ANKS1B: variants seen among roughly 807,000 people sequenced by gnomAD.
The protein encoded by ANKS1B is ankyrin repeat and sterile alpha motif domain-containing protein 1B.
A neutral mutation model predicts 148.3 loss-of-function variants in ANKS1B; 36 were observed. That is an observed-to-expected ratio of 0.24 (90% CI 0.19 to 0.32). The LOEUF (loss-of-function observed/expected upper bound fraction) is 0.32. ANKS1B is among the 10% of genes least tolerant of loss of function. The pLI, the probability that ANKS1B is intolerant of heterozygous loss-of-function variation, is 1.00. For missense variants in ANKS1B, 1,157 were observed against 1,542.6 expected (o/e 0.75, Z 4.19); for synonymous variants, 542 against 560.8 (o/e 0.97, Z 0.47).
At chr12:99,031,703 G>A (rs1448370357) in intron 17 of ANKS1B, among the ~76,000 whole-genome samples, 1 of 152,118 alleles carries the variant, frequency 6.6e-6, no homozygotes, top group African/African-American at 2.4e-5. Flanking sequence ...AAAAGCATGA[G>A]GACAAAGTGC....
intron 17 of ANKS1B, among the ~76,000 whole-genome samples, chr12:98,948,100 G>A (rs1048625051): frequency 1.3e-5 from 2 of 151,810 alleles, no homozygotes; most frequent in Non-Finnish European, 2.9e-5. Flanking sequence ...GTTGTATAAC[G>A]CAGAACCTGC....
At chr12:99,699,968 C>T (rs2054552591) in intron 8 of ANKS1B, among the ~76,000 whole-genome samples, 1 of 152,114 alleles carries the variant, frequency 6.6e-6, no homozygotes, top group African/African-American at 2.4e-5. Context: ...GTTTTCCTTT[C>T]TCAGTCTATT....
intron 8 of ANKS1B, among the ~76,000 whole-genome samples, chr12:99,713,400 G>T (rs1044165560): frequency 6.6e-6 from 1 of 152,124 alleles, no homozygotes; most frequent in African/African-American, 2.4e-5. Flanking sequence ...TCAAGTCCTA[G>T]TTCCTTTTTG....
intron 17 of ANKS1B, among the ~76,000 whole-genome samples, chr12:98,851,804 T>C (rs1352273282): frequency 6.6e-6 from 1 of 151,864 alleles, no homozygotes; most frequent in African/African-American, 2.4e-5. Flanking sequence ...GGTGGGTGGA[T>C]CACGAGGTCA....
intron 17 of ANKS1B, among the ~76,000 whole-genome samples, chr12:98,946,920 A>ACAAAG: frequency 7.4e-6 from 1 of 135,410 alleles, no homozygotes; most frequent in East Asian, 2.3e-4. Context: ...AGCCTGGGTG[A>ACAAAG]CAAAGCAAGA....
chr12:99,854,034 G>A (rs983466372), intron 1 of ANKS1B, among the ~76,000 whole-genome samples: 6 of 152,090 alleles, frequency 3.9e-5, no homozygotes, highest in Admixed American at 6.5e-5. Context: ...GTTTTGAGAC[G>A]GAGTCTCGCT....
intron 8 of ANKS1B, among the ~76,000 whole-genome samples, chr12:99,735,229 C>T: frequency 6.6e-6 from 1 of 151,752 alleles, no homozygotes; most frequent in East Asian, 1.9e-4. Context: ...CAAGAATAAG[C>T]CAAATCCCAA....
At chr12:99,156,294 TCA>T (rs2076045713) in intron 14 of ANKS1B, among the ~76,000 whole-genome samples, 2 of 152,204 alleles carry the variant, frequency 1.3e-5, no homozygotes, top group African/African-American at 4.8e-5. Context: ...GATTTTGTTC[TCA>T]TAGTTCAGGC....
chr12:99,401,047 A>G (rs1567030725), intron 11 of ANKS1B, among the ~76,000 whole-genome samples: 3 of 146,298 alleles, frequency 2.1e-5, no homozygotes, highest in East Asian at 3.9e-4. Flanking sequence ...TTCTTTCACC[A>G]ATATTTCACC....
intron 17 of ANKS1B, among the ~76,000 whole-genome samples, chr12:99,020,298 T>C (rs1468453682): frequency 6.6e-6 from 1 of 152,278 alleles, no homozygotes; most frequent in Non-Finnish European, 1.5e-5. Flanking sequence ...TCTCTGTAGA[T>C]TGACTACTCT....
chr12:99,673,853 T>C (rs1261735266), intron 8 of ANKS1B, among the ~76,000 whole-genome samples: 1 of 151,582 alleles, frequency 6.6e-6, no homozygotes, highest in East Asian at 1.9e-4. Context: ...TTATTTTCAG[T>C]GAAACAATTA....
intron 1 of ANKS1B, among the ~76,000 whole-genome samples, chr12:99,861,292 CT>C (rs1335264174): frequency 6.6e-6 from 1 of 152,122 alleles, no homozygotes; most frequent in Non-Finnish European, 1.5e-5. Flanking sequence ...TAACACTATT[CT>C]TTTCATATAA....
chr12:99,304,398 T>C (rs980075805), intron 12 of ANKS1B, among the ~76,000 whole-genome samples: 1 of 152,146 alleles, frequency 6.6e-6, no homozygotes, highest in African/African-American at 2.4e-5. Context: ...CGTTCTCTAG[T>C]CTATTATATT....
At chr12:99,722,638 A>G (rs899746293) in intron 8 of ANKS1B, among the ~76,000 whole-genome samples, 1 of 152,228 alleles carries the variant, frequency 6.6e-6, no homozygotes, top group African/African-American at 2.4e-5. Context: ...TAATGTTTTC[A>G]TGGTTGGTAA....
chr12:99,843,679 C>T lies in ANKS1B; in HGVS notation c.135-18290G>A, dbSNP rs59259088. On this transcript the variant is annotated intron_variant, in intron 1 of 26. Coordinates refer to ENST00000683438, the MANE Select transcript of ANKS1B (RefSeq NM_001352186.2). Reference sequence around the variant, plus strand: ...TCATTGATGGGCATTTAGGTTGATTCCATGTCTTTGTTTTGTGAATGATGC... The same window carrying T: ...TCATTGATGGGCATTTAGGTTGATTTCATGTCTTTGTTTTGTGAATGATGC... Among the ~76,000 whole-genome samples the T allele has an allele frequency of 7.9e-3, 1,199 of 152,020 alleles. 16 individuals carry two copies. The highest frequency in any genetic ancestry group is 0.027 in the African/African-American group (1,134 of 41,452).
At chr12:99,089,091 CTGGGATT>C (rs2053138450) in intron 15 of ANKS1B, among the ~76,000 whole-genome samples, 4 of 151,986 alleles carry the variant, frequency 2.6e-5, no homozygotes, top group Admixed American at 2.0e-4. Flanking sequence ...TCCCAAAGTG[CTGGGATT>C]ACAGGCGTGA....
intron 12 of ANKS1B, among the ~76,000 whole-genome samples, chr12:99,297,857 A>C (rs920629417): frequency 6.6e-6 from 1 of 152,166 alleles, no homozygotes; most frequent in African/African-American, 2.4e-5. Context: ...CTTCATGATC[A>C]ATCTAAATCT....
intron 11 of ANKS1B, among the ~76,000 whole-genome samples, chr12:99,432,934 T>G (rs1488572008): frequency 6.6e-6 from 1 of 152,166 alleles, no homozygotes; most frequent in Non-Finnish European, 1.5e-5. Context: ...GATGTCATGC[T>G]TCTTTACTTT....
At chr12:99,118,509 C>T (rs1258411552) in intron 15 of ANKS1B, among the ~76,000 whole-genome samples, 1 of 152,144 alleles carries the variant, frequency 6.6e-6, no homozygotes, top group East Asian at 1.9e-4. Context: ...TGTTCTAAAT[C>T]CAGTCGCTAA....
Sources: allele counts gnomAD v4.1 joint callset (sites outside exome capture counted in the v4.1 genomes callset), GRCh38; gene constraint gnomAD v4.1.1; transcripts MANE v1.5; gene names NCBI Gene and HGNC (gene_info 2026-07-23, HGNC 2026-07-21).